The following ZBTB5 variants were observed in gnomAD, a reference collection of about 807,000 sequenced individuals.
ZBTB5 encodes the protein zinc finger and BTB domain containing 5, also known as zinc finger and BTB domain-containing protein 5.
ZBTB5 carries 15 observed loss-of-function variants against 37.9 expected under a neutral mutation model. The observed-to-expected ratio is 0.40, with a 90% CI of 0.26 to 0.61. ZBTB5 has a LOEUF of 0.61. ZBTB5 is among the 20% of genes least tolerant of loss of function. The pLI is 0.47. For synonymous variants in ZBTB5, 315 were observed against 312.4 expected, an observed-to-expected ratio of 1.01 and a Z score of -0.09; for missense variants, 708 against 856.8, an observed-to-expected ratio of 0.83 and a Z score of 2.17.
At chr9:37,461,965 T>C (rs1011650146) in intron 1 of ZBTB5, among the ~76,000 whole-genome samples, 3 of 152,036 alleles carry the variant, frequency 2.0e-5, no homozygotes, top group African/African-American at 7.3e-5. Context: ...ATTAGGAAAA[T>C]TTATTGGTTA....
intron 1 of ZBTB5, among the ~76,000 whole-genome samples, chr9:37,464,155 C>T (rs60867843): frequency 0.022 from 3,327 of 152,248 alleles, 119 homozygotes; most frequent in African/African-American, 0.073. Context: ...CAAGTTCTGC[C>T]CAGCCTTTTA....
chr9:37,463,442 G>C (rs1824330125), intron 1 of ZBTB5, among the ~76,000 whole-genome samples: 2 of 152,094 alleles, frequency 1.3e-5, no homozygotes, highest in South Asian at 4.1e-4. Flanking sequence ...AGCTAACATA[G>C]AATCAATACC....
At position 37,441,951 on chromosome 9, in the gene ZBTB5, C is replaced by T; in HGVS notation, c.601G>A (p.Ala201Thr). Reference protein sequence around the residue: ...HKRKQSAEERARQRLRPSIDE... With the variant: ...HKRKQSAEERTRQRLRPSIDE... ...ATGGAGGGTCGGAGGCGCTGCCTGGCCCGCTCCTCTGCAGACTGCTTGCGC... is the reference window on the plus strand; with the variant it reads ...ATGGAGGGTCGGAGGCGCTGCCTGGTCCGCTCCTCTGCAGACTGCTTGCGC... Residue 201 changes from alanine (A) to threonine (T), a missense_variant, in exon 2 of 2, where the codon GCC (alanine) becomes ACC (threonine). This residue lies in a region of ZBTB5 where 639 missense variants were observed against 690.5 expected (regional missense o/e 0.93). Coordinates refer to ENST00000307750, the MANE Select transcript of ZBTB5 (RefSeq NM_014872.3). 1 of 1,613,924 alleles carries T rather than the reference C, an allele frequency of 6.2e-7. No individual in the cohort carries two copies. Among genetic ancestry groups the T allele is most frequent in the Middle Eastern group, 1.6e-4 (1 of 6,062 alleles).
chr9:37,453,337 C>A (rs993501905), intron 1 of ZBTB5, among the ~76,000 whole-genome samples: 2 of 151,794 alleles, frequency 1.3e-5, no homozygotes, highest in African/African-American at 4.9e-5. Context: ...CAGGCACAGA[C>A]CACCACACGC....
chr9:37,450,424 C>G (rs1824082032), intron 1 of ZBTB5, among the ~76,000 whole-genome samples: 1 of 152,110 alleles, frequency 6.6e-6, no homozygotes, highest in Non-Finnish European at 1.5e-5. Context: ...TTGCGAATTG[C>G]TGATCTAACA....
Position 37,442,203 on chromosome 9 carries a change from G to C in ZBTB5, c.349C>G (p.His117Asp). The C allele has an allele frequency of 3.7e-6, 6 of 1,614,254 alleles. No individual in the cohort carries two copies. Among genetic ancestry groups the C allele is most frequent in the Non-Finnish European group, 5.1e-6 (6 of 1,180,040 alleles). The change falls in exon 2 of 2, where the codon CAT becomes GAT. Residue 117 changes from histidine to aspartate, a missense_variant. His to Asp is a moderately conservative substitution (Grantham distance 81, BLOSUM62 -1). Around this residue, in one of 3 missense-constraint regions of ZBTB5, gnomAD observed 639 missense variants for 690.5 expected, o/e 0.93. Coordinates refer to ENST00000307750, the MANE Select transcript of ZBTB5 (RefSeq NM_014872.3). Reference sequence around the variant, plus strand: ...GGCAGCGTCCTTGTCGTTAAGTAATGTTTACATGCCTTAACAACAGAGTTC... The same window carrying C: ...GGCAGCGTCCTTGTCGTTAAGTAATCTTTACATGCCTTAACAACAGAGTTC... ...HLNSVVKACK[H>D]YLTTRTLPMS...
At chr9:37,456,293 C>T (rs571463301) in intron 1 of ZBTB5, among the ~76,000 whole-genome samples, 14 of 152,214 alleles carry the variant, frequency 9.2e-5, no homozygotes, top group African/African-American at 2.9e-4. Flanking sequence ...TCAGACAGAG[C>T]GGAGTACTGG....
intron 1 of ZBTB5, among the ~76,000 whole-genome samples, chr9:37,447,806 T>G (rs980401194): frequency 3.3e-5 from 5 of 149,600 alleles, no homozygotes; most frequent in Non-Finnish European, 7.5e-5. Flanking sequence ...GCTCAATGCT[T>G]CTTTTTTTTT....
rs190055921 is a variant in ZBTB5, at chr9:37,440,996, C to G, written c.1556G>C (p.Arg519Thr). 6.2e-7 allele frequency: 1 copy of G among 1,614,204 alleles called. No homozygotes were observed. The highest frequency in any genetic ancestry group is 2.2e-5 in the East Asian group (1 of 44,892). ...SGLGLHSSFS[R>T]VMIGSPRGGA... ...TCCCCTTGGGGAACCTATCATTACC[C>G]TGGAGAAGGAGGAGTGGAGGCCCAA... The change falls in exon 2 of 2, where the codon AGG (arginine) becomes ACG (threonine). Residue 519 changes from arginine to threonine, a missense_variant. Physicochemically the swap from Arg to Thr is moderately conservative, Grantham distance 71 (BLOSUM62 -1). This residue lies in a region of ZBTB5 where 639 missense variants were observed against 690.5 expected (regional missense o/e 0.93). Coordinates refer to ENST00000307750, the MANE Select transcript of ZBTB5 (RefSeq NM_014872.3).
intron 1 of ZBTB5, among the ~76,000 whole-genome samples, chr9:37,462,098 T>C (rs1448515682): frequency 6.6e-6 from 1 of 152,124 alleles, no homozygotes; most frequent in South Asian, 2.1e-4. Flanking sequence ...TCCCAAGTAG[T>C]TGGGACTACA....
In ZBTB5 at chr9:37,439,225, A is replaced by C. The variant is rs1385835122; in HGVS notation, c.*1293T>G. ...ACAGCCCTGATGGCAGTGTCAGAGG[A>C]CAGCAAGGTGAGGCTGGGGAAGTGA... is the stretch of plus-strand genomic sequence containing the variant. On this transcript the variant is annotated 3_prime_UTR_variant, in exon 2 of 2. Transcript: ENST00000307750. The C allele has an allele frequency of 6.6e-6, 1 of 152,236 alleles. No homozygotes were observed. Among genetic ancestry groups the C allele is most frequent in the Non-Finnish European group, 1.5e-5 (1 of 68,038 alleles). The allele number at this position is 152,236 out of a possible 1,614,324, so 9.4% of individuals were successfully genotyped here.
chr9:37,441,708 T>C lies in ZBTB5; in HGVS notation c.844A>G (p.Asn282Asp), dbSNP rs144915522. 1.2e-6 allele frequency: 2 copies of C among 1,614,040 alleles called. No homozygotes were observed. The highest frequency in any genetic ancestry group is 1.7e-5 in the Admixed American group (1 of 60,004). Reference sequence around the variant, plus strand: ...GAGGCCATGGACAACTGTGCCATGTTGCCAGCACTGTTATCAGACTGGCTG... The same window carrying C: ...GAGGCCATGGACAACTGTGCCATGTCGCCAGCACTGTTATCAGACTGGCTG... The part of the protein sequence containing the change: ...VPSQSDNSAG[N>D]MAQLSMASRA... The change falls in exon 2 of 2, where the codon AAC becomes GAC. Residue 282 changes from asparagine to aspartate, a missense_variant. Asn to Asp is a conservative substitution (Grantham distance 23). Around this residue, in one of 3 missense-constraint regions of ZBTB5, gnomAD observed 639 missense variants for 690.5 expected, o/e 0.93. Transcript: ENST00000307750.
chr9:37,449,970 A>C (rs1824071775), intron 1 of ZBTB5, among the ~76,000 whole-genome samples: 1 of 152,074 alleles, frequency 6.6e-6, no homozygotes, highest in African/African-American at 2.4e-5. Flanking sequence ...GGGCAGGCCA[A>C]GGGGAAAGCC....
chr9:37,444,198 G>GT (rs966181994), intron 1 of ZBTB5, among the ~76,000 whole-genome samples: 13 of 152,094 alleles, frequency 8.5e-5, no homozygotes, highest in African/African-American at 3.1e-4. Context: ...GTAAGAAATG[G>GT]TTTTTTGTTT....
At chr9:37,444,581 T>C (rs1332950126) in intron 1 of ZBTB5, among the ~76,000 whole-genome samples, 1 of 152,204 alleles carries the variant, frequency 6.6e-6, no homozygotes, top group Non-Finnish European at 1.5e-5. Flanking sequence ...ACTCAAAATA[T>C]GAAGATACAA....
At chr9:37,460,563 A>T (rs961468407) in intron 1 of ZBTB5, among the ~76,000 whole-genome samples, 16 of 151,708 alleles carry the variant, frequency 1.1e-4, no homozygotes, top group Admixed American at 3.3e-4. Context: ...CTACAAAAAA[A>T]TTTTTTTTTA....
chr9:37,440,171 A>C lies in ZBTB5; in HGVS notation c.*347T>G, dbSNP rs1257434706. ...TCCCATCAGAAGGTATAGGAAATTT[A>C]AATGCTACACAGTTTTACAAAAATT... On this transcript the variant is annotated 3_prime_UTR_variant, in exon 2 of 2. Transcript: ENST00000307750. 7.0e-6 allele frequency: 2 copies of C among 287,742 alleles called. No homozygotes were observed. Among genetic ancestry groups the C allele is most frequent in the Admixed American group, 5.0e-5 (1 of 20,046 alleles). 17.8% of individuals were successfully genotyped at this position (287,742 alleles called of 1,614,324 possible). A position where few individuals can be genotyped will look rare whatever the true frequency, so the allele number is the denominator to read the frequency against.
At chr9:37,452,937 G>A (rs1291932458) in intron 1 of ZBTB5, among the ~76,000 whole-genome samples, 1 of 152,220 alleles carries the variant, frequency 6.6e-6, no homozygotes, top group Non-Finnish European at 1.5e-5. Context: ...CACAGAACCG[G>A]TAATAGGGAT....
At chr9:37,443,508 C>G (rs1176989346) in intron 1 of ZBTB5, among the ~76,000 whole-genome samples, 2 of 152,162 alleles carry the variant, frequency 1.3e-5, no homozygotes, top group African/African-American at 2.4e-5. Context: ...GCGGATAAAA[C>G]AACCTAACAT....
Sources: allele counts gnomAD v4.1 joint callset (sites outside exome capture counted in the v4.1 genomes callset), GRCh38; gene constraint gnomAD v4.1.1; regional missense constraint gnomAD v4.1.1; transcripts MANE v1.5; gene names NCBI Gene and HGNC (gene_info 2026-07-23, HGNC 2026-07-21).